The following ROBO2 variants were observed in gnomAD, a reference collection of about 807,000 sequenced individuals.
The protein encoded by ROBO2 is roundabout homolog 2.
ROBO2 carries 53 observed loss-of-function variants against 160.8 expected under a neutral mutation model. The ratio of observed to expected loss-of-function variants is 0.33; its 90% CI spans 0.26 to 0.41. The LOEUF (loss-of-function observed/expected upper bound fraction) is 0.41, where lower values mean the gene tolerates loss of function less well. Among genes scored for constraint, ROBO2 ranks in the 10% least tolerant of loss-of-function variants. The probability of loss-of-function intolerance (pLI) is 1.00; values close to 1 mark genes in which losing one functional copy is unlikely to be tolerated. For missense variants in ROBO2, 1,577 were observed against 1,722.4 expected (o/e 0.92, Z 1.49); for synonymous variants, 664 against 611.7 (o/e 1.09, Z -1.26).
At chr3:77,645,770 C>A (rs2095406914) in intron 25 of ROBO2, among the ~76,000 whole-genome samples, 1 of 152,074 alleles carries the variant, frequency 6.6e-6, no homozygotes, top group Non-Finnish European at 1.5e-5. Context: ...TAATTTGATT[C>A]ATAACTACTT....
intron 2 of ROBO2, among the ~76,000 whole-genome samples, chr3:76,842,239 C>A (rs2068352807): frequency 6.6e-6 from 1 of 152,192 alleles, no homozygotes; most frequent in Non-Finnish European, 1.5e-5. Context: ...GTGGAGCACA[C>A]CCCAAATTCA....
chr3:75,984,090 T>G (rs2065348481), intron 2 of ROBO2, among the ~76,000 whole-genome samples: 1 of 151,594 alleles, frequency 6.6e-6, no homozygotes, highest in East Asian at 1.9e-4. Context: ...CAACTGGAAG[T>G]TGGAACACTC....
At chr3:76,444,188 C>G (rs931092319) in intron 2 of ROBO2, among the ~76,000 whole-genome samples, 2 of 152,060 alleles carry the variant, frequency 1.3e-5, no homozygotes, top group African/African-American at 4.8e-5. Flanking sequence ...TCATGTTGGT[C>G]AGGCTGGTCT....
intron 2 of ROBO2, among the ~76,000 whole-genome samples, chr3:77,322,384 G>T (rs2064810632): frequency 6.6e-6 from 1 of 152,116 alleles, no homozygotes; most frequent in Non-Finnish European, 1.5e-5. Flanking sequence ...GTCTGGTGAT[G>T]GGAGAATTAA....
chr3:77,345,138 T>C (rs1280146603), intron 2 of ROBO2, among the ~76,000 whole-genome samples: 1 of 152,146 alleles, frequency 6.6e-6, no homozygotes, highest in Admixed American at 6.6e-5. Flanking sequence ...ACTACAGTTA[T>C]CGAAACTGGC....
chr3:77,098,176 A>G lies in ROBO2; in HGVS notation c.224A>G (p.Lys75Arg), dbSNP rs775497436. 8.1e-6 allele frequency: 13 copies of G among 1,614,048 alleles called. No homozygotes were observed. In the African/African-American group the frequency reaches 1.1e-4, roughly 13 times the overall value. Residue 75 changes from lysine to arginine, a missense_variant, in exon 2 of 26, where the codon AAG (lysine) becomes AGG (arginine). Lys to Arg is a conservative substitution (Grantham distance 26). Coordinates refer to ENST00000461745, the Ensembl canonical transcript of ROBO2. The stretch of plus-strand genomic sequence containing the variant: ...GATGGGGAGCGAGTGGAGACTGACA[A>G]GGACGATCCCCGGTCCCACAGGATG...
At chr3:76,091,512 G>A (rs776788138) in intron 2 of ROBO2, among the ~76,000 whole-genome samples, 1 of 152,086 alleles carries the variant, frequency 6.6e-6, no homozygotes, top group African/African-American at 2.4e-5. Flanking sequence ...TTGGAAGACC[G>A]TTTTGCACTT....
At chr3:76,612,611 T>C (rs551142215) in intron 2 of ROBO2, among the ~76,000 whole-genome samples, 35 of 152,202 alleles carry the variant, frequency 2.3e-4, no homozygotes, top group Non-Finnish European at 4.3e-4. Flanking sequence ...GCTTAAAACC[T>C]AGATAATGGG....
At chr3:77,475,136 T>G in intron 2 of ROBO2, among the ~76,000 whole-genome samples, 1 of 152,044 alleles carries the variant, frequency 6.6e-6, no homozygotes, top group East Asian at 1.9e-4. Flanking sequence ...ATGATATCAC[T>G]AAACACAAAT....
chr3:75,984,646 T>C (rs1257655065), intron 2 of ROBO2, among the ~76,000 whole-genome samples: 1 of 151,504 alleles, frequency 6.6e-6, no homozygotes, highest in Non-Finnish European at 1.5e-5. Flanking sequence ...CTGCATGCTA[T>C]GTACATGCAT....
intron 2 of ROBO2, among the ~76,000 whole-genome samples, chr3:77,358,448 A>G (rs191294594): frequency 7.9e-5 from 12 of 152,340 alleles, no homozygotes; most frequent in African/African-American, 2.9e-4. Flanking sequence ...ATAAAGTCAC[A>G]TTCTGAGCTA....
intron 2 of ROBO2, among the ~76,000 whole-genome samples, chr3:76,699,183 A>G (rs2092994964): frequency 6.6e-6 from 1 of 152,172 alleles, no homozygotes. Flanking sequence ...ATCTCAGTGA[A>G]TATATTGAGA....
intron 2 of ROBO2, chr3:77,316,636 G>A (rs531732300): frequency 4.1e-5 from 25 of 607,896 alleles, no homozygotes; most frequent in African/African-American, 3.9e-4. Flanking sequence ...TAACCTTGAG[G>A]TCTAACATAT....
chr3:77,448,798 CT>C (rs1332662268), intron 2 of ROBO2, among the ~76,000 whole-genome samples: 1 of 151,452 alleles, frequency 6.6e-6, no homozygotes, highest in African/African-American at 2.4e-5. Flanking sequence ...TTGCTGAGCT[CT>C]GGGCTTGAGA....
At chr3:76,920,238 T>C (rs1577486000) in intron 2 of ROBO2, among the ~76,000 whole-genome samples, 1 of 152,174 alleles carries the variant, frequency 6.6e-6, no homozygotes, top group Non-Finnish European at 1.5e-5. Flanking sequence ...AGAAAATAAA[T>C]GATACAATAT....
chr3:76,176,742 G>A (rs892411123), intron 2 of ROBO2, among the ~76,000 whole-genome samples: 1 of 151,838 alleles, frequency 6.6e-6, no homozygotes, highest in East Asian at 1.9e-4. Flanking sequence ...TTCCAAATAA[G>A]GGTAGCTAAA....
rs1017300557 is a variant in ROBO2, at chr3:77,015,068, A to T, written c.110-82946A>T. On this transcript the variant is annotated intron_variant, in intron 2 of 26. Coordinates refer to the ROBO2 transcript ENST00000487694. Reference sequence around the variant, plus strand: ...AAAAAAAAGTACACATTTAAGAACAAAAAAAGGAAAACATCATTTCTAGCC... The same window carrying T: ...AAAAAAAAGTACACATTTAAGAACATAAAAAGGAAAACATCATTTCTAGCC... Among the ~76,000 whole-genome samples, 9 of 152,272 alleles carry T rather than the reference A, an allele frequency of 5.9e-5. No individual in the cohort carries two copies. In the East Asian group the frequency reaches 1.7e-3, roughly 29 times the overall value.
chr3:77,534,355 A>G (rs1204468113), intron 6 of ROBO2, among the ~76,000 whole-genome samples: 1 of 152,026 alleles, frequency 6.6e-6, no homozygotes, highest in Non-Finnish European at 1.5e-5. Flanking sequence ...TTAAAGTACT[A>G]TAAATATTAA....
chr3:76,436,775 C>T (rs2109071213), intron 2 of ROBO2, among the ~76,000 whole-genome samples: 1 of 152,102 alleles, frequency 6.6e-6, no homozygotes, highest in Middle Eastern at 3.4e-3. Context: ...TGAAAGTGTC[C>T]CGTACATTGC....
Sources: gnomAD v4.1 joint callset for allele counts (sites outside exome capture counted in the v4.1 genomes callset) on GRCh38, gnomAD v4.1.1 for gene constraint, MANE v1.5 for transcripts, NCBI Gene and HGNC (gene_info 2026-07-23, HGNC 2026-07-21) for gene names.